SOX5: variants seen among roughly 807,000 people sequenced by gnomAD.
The protein encoded by SOX5 is transcription factor SOX-5.
In SOX5, 9 loss-of-function variants were observed where a neutral mutation model predicts 92.0. That is an observed-to-expected ratio of 0.10 (90% confidence interval 0.06 to 0.17). The LOEUF is 0.17. SOX5 is among the 10% of genes least tolerant of loss of function. SOX5 has a pLI of 1.00. For synonymous variants in SOX5, 344 were observed against 336.3 expected, an observed-to-expected ratio of 1.02 and a Z score of -0.25; for missense variants, 642 against 944.5, an observed-to-expected ratio of 0.68 and a Z score of 4.20.
chr12:24,015,621 T>C (rs1388210484), intron 4 of SOX5, among the ~76,000 whole-genome samples: 1 of 152,118 alleles, frequency 6.6e-6, no homozygotes, highest in Non-Finnish European at 1.5e-5. Context: ...TACTGAGTAG[T>C]CAAAAATGTA....
At chr12:24,016,141 T>A (rs901936337) in intron 4 of SOX5, among the ~76,000 whole-genome samples, 2 of 152,082 alleles carry the variant, frequency 1.3e-5, no homozygotes, top group Non-Finnish European at 2.9e-5. Context: ...GATTTCACAT[T>A]TTGCTACACA....
chr12:23,926,755 A>G (rs1031071398), intron 1 of SOX5, among the ~76,000 whole-genome samples: 1 of 152,088 alleles, frequency 6.6e-6, no homozygotes, highest in African/African-American at 2.4e-5. Flanking sequence ...GTATATGGCT[A>G]AGGCTGTCCA....
intron 2 of SOX5, among the ~76,000 whole-genome samples, chr12:24,324,878 T>A (rs897634129): frequency 3.9e-5 from 6 of 152,072 alleles, no homozygotes; most frequent in Non-Finnish European, 8.8e-5. Context: ...AGTTAGTACC[T>A]TTTAGACCTA....
intron 4 of SOX5, among the ~76,000 whole-genome samples, chr12:24,121,791 C>G (rs1459820669): frequency 7.0e-6 from 1 of 142,832 alleles, no homozygotes; most frequent in African/African-American, 2.6e-5. Context: ...GAGGCTGAGG[C>G]AGGAGAATCG....
intron 6 of SOX5, among the ~76,000 whole-genome samples, chr12:23,683,673 C>T (rs1417466610): frequency 1.3e-5 from 2 of 151,930 alleles, no homozygotes; most frequent in Non-Finnish European, 2.9e-5. Flanking sequence ...TCAATTTACA[C>T]ATTGATCAGC....
At chr12:24,507,543 T>C (rs1337324744) in intron 1 of SOX5, among the ~76,000 whole-genome samples, 2 of 152,200 alleles carry the variant, frequency 1.3e-5, no homozygotes, top group African/African-American at 4.8e-5. Context: ...CAAAGTTTAA[T>C]ATGTGGTACT....
chr12:23,537,007 A>G (rs1246384552), intron 13 of SOX5, among the ~76,000 whole-genome samples: 1 of 152,104 alleles, frequency 6.6e-6, no homozygotes, highest in Non-Finnish European at 1.5e-5. Context: ...AAGTTACATG[A>G]TATGTTATCA....
chr12:24,073,233 G>T (rs148065209), intron 4 of SOX5, among the ~76,000 whole-genome samples: 196 of 152,254 alleles, frequency 1.3e-3, no homozygotes, highest in African/African-American at 4.5e-3. Context: ...TGCATTTGGA[G>T]AACATGAGTT....
intron 6 of SOX5, among the ~76,000 whole-genome samples, chr12:23,691,670 A>T (rs1174404436): frequency 1.3e-5 from 2 of 151,958 alleles, no homozygotes; most frequent in Non-Finnish European, 2.9e-5. Flanking sequence ...AGGTATTTTC[A>T]GTTCTATCAT....
At chr12:23,573,059 A>G (rs1345577369) in intron 10 of SOX5, among the ~76,000 whole-genome samples, 6 of 152,174 alleles carry the variant, frequency 3.9e-5, no homozygotes, top group Non-Finnish European at 7.4e-5. Context: ...AGTCTCAGGA[A>G]GAAGAAAAGT....
chr12:24,114,720 G>T (rs1459386934), intron 4 of SOX5, among the ~76,000 whole-genome samples: 5 of 151,726 alleles, frequency 3.3e-5, no homozygotes, highest in Admixed American at 2.6e-4. Flanking sequence ...GGAGAATCAA[G>T]GGTCTTTTGA....
chr12:24,058,242 A>G (rs900098630), intron 4 of SOX5, among the ~76,000 whole-genome samples: 1 of 152,272 alleles, frequency 6.6e-6, no homozygotes, highest in Non-Finnish European at 1.5e-5. Context: ...CAAGTAACAC[A>G]TCGTCCTCAC....
chr12:23,914,209 G>T (rs917021440), intron 1 of SOX5, among the ~76,000 whole-genome samples: 8 of 152,048 alleles, frequency 5.3e-5, no homozygotes, highest in African/African-American at 1.9e-4. Context: ...ACATTACAGA[G>T]GGTAAGTAAA....
intron 4 of SOX5, among the ~76,000 whole-genome samples, chr12:24,206,763 G>A (rs1378296634): frequency 6.6e-6 from 1 of 152,154 alleles, no homozygotes; most frequent in Non-Finnish European, 1.5e-5. Flanking sequence ...GCTTTCCTGT[G>A]CAACTGTGTG....
At chr12:24,273,908 T>G (rs1294722361) in intron 3 of SOX5, among the ~76,000 whole-genome samples, 5 of 152,186 alleles carry the variant, frequency 3.3e-5, no homozygotes, top group African/African-American at 1.2e-4. Flanking sequence ...ACTTTCTAGT[T>G]TCCGTTGTGA....
intron 4 of SOX5, among the ~76,000 whole-genome samples, chr12:24,095,128 C>CACAGAGAGAGAGAGAGAG (rs1345578614): frequency 2.3e-4 from 21 of 90,214 alleles, no homozygotes; most frequent in Non-Finnish European, 4.1e-4. Context: ...CACACACACA[C>CACAGAGAGAGAGAGAGAG]AGAGAGAGAG....
At chr12:23,986,334 G>C (rs529611043) in intron 4 of SOX5, among the ~76,000 whole-genome samples, 1 of 152,092 alleles carries the variant, frequency 6.6e-6, no homozygotes, top group Non-Finnish European at 1.5e-5. Flanking sequence ...GCCTCATGAA[G>C]TTTGCAGGGA....
chr12:24,522,138 T>C (rs1166188495), intron 1 of SOX5, among the ~76,000 whole-genome samples: 1 of 151,604 alleles, frequency 6.6e-6, no homozygotes, highest in African/African-American at 2.4e-5. Context: ...GAAACTATTA[T>C]GAACAATTAA....
At chr12:24,405,781 A>G (rs1962800118) in intron 1 of SOX5, among the ~76,000 whole-genome samples, 1 of 152,162 alleles carries the variant, frequency 6.6e-6, no homozygotes, top group South Asian at 2.1e-4. Flanking sequence ...ACCAGGTCAA[A>G]ATGCAGATTT....
Sources: allele counts gnomAD v4.1 joint callset (sites outside exome capture counted in the v4.1 genomes callset), GRCh38; gene constraint gnomAD v4.1.1; transcripts MANE v1.5; gene names NCBI Gene and HGNC (gene_info 2026-07-23, HGNC 2026-07-21).